ERMP1: variants seen among roughly 807,000 people sequenced by gnomAD.
ERMP1 encodes endoplasmic reticulum metallopeptidase 1.
Under a neutral mutation model 92.0 loss-of-function variants are expected in ERMP1, and 86 were observed. That is an observed-to-expected ratio of 0.93 (90% confidence interval 0.79 to 1.12). The LOEUF is 1.12. Among genes scored for constraint, ERMP1 ranks in the 50% most tolerant of loss-of-function variants. ERMP1 has a pLI of 0.00. For missense variants in ERMP1, 1,342 were observed against 1,116.3 expected, an observed-to-expected ratio of 1.20 and a Z score of -2.88; for synonymous variants, 530 against 412.8, an observed-to-expected ratio of 1.28 and a Z score of -3.44.
intron 6 of ERMP1, among the ~76,000 whole-genome samples, chr9:5,844,485 G>A (rs1030514380): frequency 7.9e-5 from 12 of 152,106 alleles, no homozygotes; most frequent in Non-Finnish European, 1.5e-4. Flanking sequence ...ATGTTTCCAG[G>A]CTGGTCTCAA....
intron 5 of ERMP1, among the ~76,000 whole-genome samples, chr9:5,862,806 G>A (rs969551792): frequency 3.3e-5 from 5 of 152,142 alleles, no homozygotes; most frequent in African/African-American, 1.2e-4. Context: ...ACTTGTTGGG[G>A]CCATGGGTTG....
chr9:5,836,411 A>G (rs1027112003), upstream of ERMP1, among the ~76,000 whole-genome samples: 1 of 152,220 alleles, frequency 6.6e-6, no homozygotes, highest in Non-Finnish European at 1.5e-5. Context: ...AGAGATGAGA[A>G]GTGAGCCCAA....
At position 5,811,220 on chromosome 9, in the gene ERMP1, G is replaced by A. The variant is rs746053138; in HGVS notation, c.1218C>T (p.Gly406=). The A allele has an allele frequency of 3.1e-6, 5 of 1,613,650 alleles. No individual in the cohort carries two copies. In the South Asian group the frequency reaches 5.5e-5, roughly 18 times the overall value. ...GAGAGGGGTAGGCAATGACAAACAG[G>A]CCCAGCACATCAAAGAAGACCATGT... ...HGNMVFFDVL[G]LFVIAYPSRI... Residue 406 remains glycine (G), a synonymous_variant, in exon 7 of 15, where the codon GGC becomes GGT. Coordinates refer to ENST00000339450, the MANE Select transcript of ERMP1 (RefSeq NM_024896.3).
chr9:5,811,133 T>C lies in ERMP1; in HGVS notation c.1305A>G (p.Lys435=). 6.2e-7 allele frequency: 1 copy of C among 1,613,702 alleles called. No individual in the cohort carries two copies. The highest frequency in any genetic ancestry group is 1.1e-5 in the South Asian group (1 of 91,036). ...TACTCTTATGTTTGGGCTGCAAAAA[T>C]TTTTTGCCCAGGTACAAAACAACAC... ...VMGVVLYLGK[K]FLQPKHKTGN... Residue 435 remains lysine, a synonymous_variant, in exon 7 of 15, where the codon AAA becomes AAG. Coordinates refer to ENST00000339450, the MANE Select transcript of ERMP1 (RefSeq NM_024896.3).
intron 8 of ERMP1, among the ~76,000 whole-genome samples, chr9:5,809,005 C>A (rs1317823021): frequency 6.6e-6 from 1 of 152,084 alleles, no homozygotes; most frequent in South Asian, 2.1e-4. Flanking sequence ...AGGCATGAGC[C>A]ACAGCACCCA....
At position 5,805,046 on chromosome 9, in the gene ERMP1, A is replaced by C; in HGVS notation, c.1895T>G (p.Met632Arg). ...VLASILAGCT[M>R]ILSSYFINFI... ...TCTTACAAAATAGGACGAGAGAATC[A>C]TTGTACAGCCAGCCAAAATGGATGC... Residue 632 changes from methionine to arginine, a missense_variant, in exon 10 of 15, where the codon ATG becomes AGG. By Grantham distance (91) the Met-to-Arg change is moderately conservative (BLOSUM62 -1). Transcript: ENST00000339450. 6.2e-7 allele frequency: 1 copy of C among 1,608,842 alleles called. No individual in the cohort carries two copies. Among genetic ancestry groups the C allele is most frequent in the Non-Finnish European group, 8.5e-7 (1 of 1,178,904 alleles).
intron 6 of ERMP1, among the ~76,000 whole-genome samples, chr9:5,853,909 G>C (rs749898999): frequency 1.3e-5 from 2 of 151,528 alleles, no homozygotes; most frequent in African/African-American, 4.9e-5. Context: ...CTGTCTTCCA[G>C]ACAGGCTTTA....
chr9:5,817,825 A>G (rs1829377752), intron 4 of ERMP1, among the ~76,000 whole-genome samples: 1 of 151,996 alleles, frequency 6.6e-6, no homozygotes, highest in Non-Finnish European at 1.5e-5. Flanking sequence ...ACTTCCTTCA[A>G]TCTCTAGTTA....
At chr9:5,849,257 G>C (rs138816919) in intron 6 of ERMP1, among the ~76,000 whole-genome samples, 34 of 152,124 alleles carry the variant, frequency 2.2e-4, no homozygotes, top group Non-Finnish European at 3.4e-4. Flanking sequence ...TCTTGACCTC[G>C]TGATCTGCCC....
At chr9:5,853,154 C>T (rs1830330304) in intron 6 of ERMP1, among the ~76,000 whole-genome samples, 1 of 152,200 alleles carries the variant, frequency 6.6e-6, no homozygotes, top group Non-Finnish European at 1.5e-5. Context: ...GCCAACTCAT[C>T]TCAGTGCCAG....
intron 5 of ERMP1, among the ~76,000 whole-genome samples, chr9:5,866,937 G>A (rs1216406879): frequency 6.6e-6 from 1 of 152,178 alleles, no homozygotes; most frequent in Non-Finnish European, 1.5e-5. Flanking sequence ...CAGGCACAGT[G>A]GCTCATGCCT....
chr9:5,798,754 G>A (rs1828549180), intron 12 of ERMP1, 52 bp downstream of exon 12: 3 of 1,166,244 alleles, frequency 2.6e-6, no homozygotes, highest in Non-Finnish European at 3.8e-6. Flanking sequence ...TACTGATATG[G>A]TGACAAGACT....
chr9:5,809,750 A>G (rs1829018470), intron 8 of ERMP1, among the ~76,000 whole-genome samples: 2 of 152,220 alleles, frequency 1.3e-5, no homozygotes, highest in African/African-American at 4.8e-5. Context: ...AATTCAGTAG[A>G]AGGCTGTGCT....
chr9:5,859,955 A>G lies in ERMP1; in HGVS notation n.3056-344T>C, dbSNP rs1455973788. The stretch of plus-strand genomic sequence containing the variant: ...ACAGGTCTTAGTACCAGAATTTTTA[A>G]TATCTTAATAAAGAATTCTTACATG... On this transcript the variant is annotated intron_variant and non_coding_transcript_variant, in intron 5 of 6. Transcript: ENST00000690753. Among the ~76,000 whole-genome samples the G allele has an allele frequency of 6.6e-5, 10 of 152,316 alleles. No individual in the cohort carries two copies. The East Asian group carries it at 7.7e-4, about 12-fold the overall frequency.
rs562558646 is a variant in ERMP1 at position 5,857,196 on chromosome 9, A to G, written n.3199+2272T>C. Among the ~76,000 whole-genome samples, 4 of 152,008 alleles carry G rather than the reference A, an allele frequency of 2.6e-5. No individual in the cohort carries two copies. The South Asian group carries it at 8.3e-4, about 32-fold the overall frequency. On this transcript the variant is annotated intron_variant and non_coding_transcript_variant, in intron 6 of 6. Coordinates refer to the ERMP1 transcript ENST00000690753. ...GCAATCATGCCTGGCTAATTTTTGTATTTTTTGTAGAGATGGGGTTTTGCT... is the reference window on the plus strand; with the variant it reads ...GCAATCATGCCTGGCTAATTTTTGTGTTTTTTGTAGAGATGGGGTTTTGCT...
intron 10 of ERMP1, among the ~76,000 whole-genome samples, chr9:5,802,721 T>C (rs1161173419): frequency 6.6e-6 from 1 of 152,222 alleles, no homozygotes; most frequent in African/African-American, 2.4e-5. Context: ...AGTTATTCTC[T>C]GCTGGACCTT....
chr9:5,822,299 G>C (rs529376142), intron 4 of ERMP1, among the ~76,000 whole-genome samples: 1 of 152,010 alleles, frequency 6.6e-6, no homozygotes, highest in Non-Finnish European at 1.5e-5. Flanking sequence ...CTATAATAAT[G>C]TATCTACTCA....
At chr9:5,833,912 T>G (rs539200642), upstream of ERMP1, among the ~76,000 whole-genome samples, 49 of 152,200 alleles carry the variant, frequency 3.2e-4, no homozygotes, top group Non-Finnish European at 5.9e-4. Flanking sequence ...AGTGATTATC[T>G]AGTCTTCTTC....
rs1455147240 is a variant in ERMP1, at chr9:5,798,791, A to G, written c.2270+15T>C. The G allele has an allele frequency of 6.3e-7, 1 of 1,593,762 alleles. No individual in the cohort carries two copies. The highest frequency in any genetic ancestry group is 8.6e-7 in the Non-Finnish European group (1 of 1,161,882). On this transcript the variant is annotated intron_variant, in intron 12 of 14. Coordinates refer to ENST00000339450, the MANE Select transcript of ERMP1 (RefSeq NM_024896.3). Reference sequence around the variant, plus strand: ...GAGAACAAACTAACCTTAAGCAGAAAAATAATGAACCAACCTGATCAGAAA... The same window carrying G: ...GAGAACAAACTAACCTTAAGCAGAAGAATAATGAACCAACCTGATCAGAAA...
Sources: allele counts gnomAD v4.1 joint callset (sites outside exome capture counted in the v4.1 genomes callset), GRCh38; gene constraint gnomAD v4.1.1; transcripts MANE v1.5; gene names NCBI Gene and HGNC (gene_info 2026-07-23, HGNC 2026-07-21).